The following ESR1 variants were observed in gnomAD, a reference collection of about 807,000 sequenced individuals.
The protein encoded by ESR1 is estrogen receptor 1, also known as estrogen receptor.
In ESR1, 12 loss-of-function variants were observed where a neutral mutation model predicts 52.7. The ratio of observed to expected loss-of-function variants is 0.23; its 90% confidence interval spans 0.15 to 0.37. The LOEUF is 0.37. ESR1 is among the 10% of genes least tolerant of loss of function. The pLI is 1.00. For missense variants in ESR1, 584 were observed against 779.7 expected, an observed-to-expected ratio of 0.75 and a Z score of 2.99; for synonymous variants, 305 against 316.8, an observed-to-expected ratio of 0.96 and a Z score of 0.39.
rs377180973 is a variant in ESR1, at chr6:151,751,819, A to T, written c.-71+49814A>T. ...GTACAGCACACCAGGAGAGAAGATC[A>T]TTATTAATGTGCTAATAGCAGCATT... On this transcript the variant is annotated intron_variant, in intron 2 of 2. Transcript: ENST00000404742. Among the ~76,000 whole-genome samples, 77 of 152,362 alleles carry T rather than the reference A, an allele frequency of 5.1e-4. 2 individuals carry two copies. In the South Asian group the frequency reaches 0.016, roughly 32 times the overall value.
chr6:151,850,536 A>G (rs944156556), intron 2 of ESR1, among the ~76,000 whole-genome samples: 1 of 151,968 alleles, frequency 6.6e-6, no homozygotes, highest in African/African-American at 2.4e-5. Context: ...CTAGGAAACT[A>G]ATATAATAAC....
At chr6:151,932,995 A>C (rs1396043491) in intron 3 of ESR1, among the ~76,000 whole-genome samples, 1 of 152,022 alleles carries the variant, frequency 6.6e-6, no homozygotes, top group Non-Finnish European at 1.5e-5. Context: ...GTGAAGAAAG[A>C]TATTGGTAGC....
At chr6:152,076,533 GA>G (rs2048747774) in intron 6 of ESR1, among the ~76,000 whole-genome samples, 3 of 152,200 alleles carry the variant, frequency 2.0e-5, no homozygotes, top group Admixed American at 1.3e-4. Flanking sequence ...GGATATCAGG[GA>G]GAGGTTGGAG....
intron 3 of ESR1, among the ~76,000 whole-genome samples, chr6:151,942,700 CAAAAT>C (rs974997603): frequency 2.6e-5 from 4 of 151,250 alleles, no homozygotes; most frequent in African/African-American, 9.7e-5. Flanking sequence ...CAAATTAAAA[CAAAAT>C]AAGACAAAAT....
chr6:152,049,569 T>C (rs1347503836), intron 5 of ESR1, among the ~76,000 whole-genome samples: 4 of 152,186 alleles, frequency 2.6e-5, no homozygotes. Context: ...CCAGCATGAA[T>C]GGAGAGGGTC....
intron 4 of ESR1, among the ~76,000 whole-genome samples, chr6:151,982,796 A>ATAT (rs2040123139): frequency 6.6e-6 from 1 of 152,138 alleles, no homozygotes; most frequent in Non-Finnish European, 1.5e-5. Context: ...TCAATAGAAT[A>ATAT]TATTATTAGT....
At chr6:152,056,702 G>A (rs753300597) in intron 5 of ESR1, among the ~76,000 whole-genome samples, 2 of 152,110 alleles carry the variant, frequency 1.3e-5, no homozygotes, top group African/African-American at 4.8e-5. Flanking sequence ...GCAGAACAAG[G>A]CTCCCCACAA....
chr6:152,091,311 C>T (rs2050160291), intron 6 of ESR1, among the ~76,000 whole-genome samples: 1 of 152,236 alleles, frequency 6.6e-6, no homozygotes, highest in African/African-American at 2.4e-5. Flanking sequence ...GGCATTTCAA[C>T]AGGACCTATT....
chr6:151,949,661 C>CT (rs947951985), intron 4 of ESR1, among the ~76,000 whole-genome samples: 1 of 152,184 alleles, frequency 6.6e-6, no homozygotes, highest in Non-Finnish European at 1.5e-5. Flanking sequence ...CAATATGCAG[C>CT]TTTTTTGCAA....
At chr6:151,946,939 A>G (rs1265637452) in intron 4 of ESR1, among the ~76,000 whole-genome samples, 1 of 152,256 alleles carries the variant, frequency 6.6e-6, no homozygotes, top group Non-Finnish European at 1.5e-5. Flanking sequence ...TTTAAAAAAC[A>G]TAGCCCACAC....
intron 3 of ESR1, among the ~76,000 whole-genome samples, chr6:151,882,849 T>C (rs1267983922): frequency 6.6e-6 from 1 of 152,102 alleles, no homozygotes; most frequent in Non-Finnish European, 1.5e-5. Flanking sequence ...CAAAAATTCA[T>C]ATATGCAAAG....
chr6:151,995,618 G>C (rs2041413722), intron 4 of ESR1, among the ~76,000 whole-genome samples: 1 of 152,096 alleles, frequency 6.6e-6, no homozygotes, highest in African/African-American at 2.4e-5. Context: ...TTTCTAGTTA[G>C]ACTTTTTTGA....
intron 2 of ESR1, among the ~76,000 whole-genome samples, chr6:151,771,851 A>T (rs1785546199): frequency 1.3e-5 from 2 of 152,198 alleles, no homozygotes; most frequent in South Asian, 4.1e-4. Context: ...AAAAAACAAC[A>T]ACTGACAAAT....
intron 6 of ESR1, among the ~76,000 whole-genome samples, chr6:152,111,643 A>G (rs1163597895): frequency 1.3e-5 from 2 of 152,190 alleles, no homozygotes; most frequent in African/African-American, 2.4e-5. Flanking sequence ...CACATTTCCA[A>G]CCAGAAAGAA....
chr6:152,069,468 C>T (rs1261224144), intron 6 of ESR1, among the ~76,000 whole-genome samples: 4 of 136,192 alleles, frequency 2.9e-5, no homozygotes, highest in Admixed American at 2.0e-4. Context: ...ACAGGGGCTA[C>T]GTGACTTTGA....
chr6:152,071,349 G>A (rs1402728355), intron 6 of ESR1, among the ~76,000 whole-genome samples: 2 of 152,190 alleles, frequency 1.3e-5, no homozygotes. Flanking sequence ...CCTGACATTA[G>A]CCAACCATGT....
intron 2 of ESR1, among the ~76,000 whole-genome samples, chr6:151,731,519 G>A (rs934673893): frequency 1.3e-5 from 2 of 152,234 alleles, no homozygotes; most frequent in South Asian, 4.1e-4. Flanking sequence ...AAGAGAGACG[G>A]TTAGAAATGG....
intron 3 of ESR1, among the ~76,000 whole-genome samples, chr6:151,904,089 A>G (rs572969117): frequency 5.3e-5 from 8 of 152,332 alleles, no homozygotes; most frequent in African/African-American, 1.7e-4. Context: ...AGCATGACTG[A>G]AGTAATATCA....
intron 4 of ESR1, among the ~76,000 whole-genome samples, chr6:152,002,185 A>AGTGTGTGTGT (rs10578838): frequency 0.039 from 5,512 of 141,434 alleles, 167 homozygotes; most frequent in African/African-American, 0.079. Flanking sequence ...TTTTAAATCA[A>AGTGTGTGTGT]GTGTGTGTGT....
Sources: allele counts gnomAD v4.1 joint callset (sites outside exome capture counted in the v4.1 genomes callset), GRCh38; gene constraint gnomAD v4.1.1; transcripts MANE v1.5; gene names NCBI Gene and HGNC (gene_info 2026-07-23, HGNC 2026-07-21).